PTPRN2: variants seen among roughly 807,000 people sequenced by gnomAD.
PTPRN2 encodes receptor-type tyrosine-protein phosphatase N2.
PTPRN2 carries 74 observed loss-of-function variants against 118.8 expected under a neutral mutation model. That is an observed-to-expected ratio of 0.62 (90% CI 0.52 to 0.76). The LOEUF (loss-of-function observed/expected upper bound fraction) is 0.76. Ranked by LOEUF, PTPRN2 falls within the 30% of genes least tolerant of loss-of-function variation. PTPRN2 has a pLI of 0.00. For missense variants in PTPRN2, 1,481 were observed against 1,394.4 expected, an observed-to-expected ratio of 1.06 and a Z score of -0.99; for synonymous variants, 641 against 608.0, an observed-to-expected ratio of 1.05 and a Z score of -0.80.
intron 11 of PTPRN2, among the ~76,000 whole-genome samples, chr7:157,940,653 C>G (rs915201387): frequency 7.2e-6 from 1 of 138,788 alleles, no homozygotes; most frequent in African/African-American, 2.8e-5. Context: ...CCCTCCCCAC[C>G]GTGACACTGC....
intron 12 of PTPRN2, among the ~76,000 whole-genome samples, chr7:157,765,421 C>T (rs1177403130): frequency 1.3e-5 from 2 of 151,520 alleles, no homozygotes; most frequent in Non-Finnish European, 2.9e-5. Flanking sequence ...ACCCATCCAT[C>T]ATCCATTCTT....
intron 2 of PTPRN2, among the ~76,000 whole-genome samples, chr7:158,393,631 G>A (rs539446621): frequency 6.6e-5 from 10 of 152,278 alleles, no homozygotes; most frequent in Non-Finnish European, 8.8e-5. Flanking sequence ...ATCTTTCAGC[G>A]TCATTTTCAT....
At chr7:158,151,421 C>T (rs373897294) in intron 6 of PTPRN2, among the ~76,000 whole-genome samples, 4 of 144,902 alleles carry the variant, frequency 2.8e-5, no homozygotes, top group South Asian at 4.4e-4. Flanking sequence ...CCTGCCCACA[C>T]CGCCCGCCTT....
chr7:158,357,505 C>T (rs1258548528), intron 2 of PTPRN2, among the ~76,000 whole-genome samples: 1 of 152,232 alleles, frequency 6.6e-6, no homozygotes, highest in Non-Finnish European at 1.5e-5. Context: ...CAGGGGCTGG[C>T]CCAACACTGG....
At chr7:158,457,491 G>A (rs955226694) in intron 2 of PTPRN2, among the ~76,000 whole-genome samples, 7 of 151,372 alleles carry the variant, frequency 4.6e-5, no homozygotes, top group African/African-American at 9.7e-5. Flanking sequence ...GGTGAGGGGC[G>A]TTACCACCAA....
rs559663910 is a variant in PTPRN2 at position 157,944,534 on chromosome 7, A to G, written c.1724-45797T>C. On this transcript the variant is annotated intron_variant, in intron 11 of 22. Transcript: ENST00000389418. This position sits in a 1 kb window ranked among gnomAD's most constrained non-coding sequence, Gnocchi z 4.3. ...GAAAAAGCTTCCTGCAAGCATCCGC[A>G]CTGCTGCAAATATAATAATTGTTTG... Among the ~76,000 whole-genome samples, 65 of 152,368 alleles carry G rather than the reference A, an allele frequency of 4.3e-4. No individual in the cohort carries two copies. The South Asian group carries it at 0.013, about 31-fold the overall frequency.
rs368583465 is a variant in PTPRN2, at chr7:158,083,270, T to C, written c.1644-1893A>G. 5.3e-4 allele frequency among the ~76,000 whole-genome samples: 81 copies of C among 152,298 alleles called. No homozygotes were observed. In the South Asian group the frequency reaches 0.017, roughly 32 times the overall value. ...ACGCAGGAGGTGATCAATTCATATT[T>C]GTGACCGGTTCAACATTTTGGTTGA... On this transcript the variant is annotated intron_variant, in intron 10 of 22. Transcript: ENST00000389418.
chr7:157,730,190 C>A (rs1799815017), intron 12 of PTPRN2, among the ~76,000 whole-genome samples: 2 of 151,954 alleles, frequency 1.3e-5, no homozygotes, highest in Admixed American at 1.3e-4. Flanking sequence ...CCACCCCTGC[C>A]CCCCCCCGGG....
chr7:158,208,785 C>T (rs1169065482), intron 3 of PTPRN2, among the ~76,000 whole-genome samples: 2 of 152,128 alleles, frequency 1.3e-5, no homozygotes, highest in African/African-American at 2.4e-5. Context: ...GGTGTGTAAA[C>T]TGCTCATATC....
chr7:158,414,106 C>T (rs1814432537), intron 2 of PTPRN2, among the ~76,000 whole-genome samples: 1 of 150,922 alleles, frequency 6.6e-6, no homozygotes, highest in Admixed American at 6.6e-5. Flanking sequence ...CAAGGGGATT[C>T]CTAGTGTTCC....
At chr7:158,584,885 G>T (rs1036932709) in intron 1 of PTPRN2, among the ~76,000 whole-genome samples, 5 of 152,164 alleles carry the variant, frequency 3.3e-5, no homozygotes, top group African/African-American at 9.7e-5. Context: ...TGGTCTTTAG[G>T]TCTTGTTAAC....
chr7:158,542,200 G>A (rs1050548517), intron 1 of PTPRN2, among the ~76,000 whole-genome samples: 1 of 152,224 alleles, frequency 6.6e-6, no homozygotes, highest in Non-Finnish European at 1.5e-5. Context: ...ACCCAGCCTG[G>A]AGTGCAGTGG....
intron 3 of PTPRN2, among the ~76,000 whole-genome samples, chr7:158,301,301 GCT>G (rs1332392028): frequency 1.3e-5 from 2 of 152,136 alleles, no homozygotes; most frequent in Admixed American, 6.5e-5. Context: ...CTGTCCCGAG[GCT>G]CTGTGTTAAC....
At chr7:158,175,464 GTCTC>G (rs1824107191) in intron 5 of PTPRN2, among the ~76,000 whole-genome samples, 1 of 152,136 alleles carries the variant, frequency 6.6e-6, no homozygotes, top group South Asian at 2.1e-4. Context: ...CTGTGTCTCT[GTCTC>G]TCTGTGTATC....
intron 14 of PTPRN2, among the ~76,000 whole-genome samples, chr7:157,642,657 C>T (rs1446899852): frequency 1.3e-5 from 2 of 152,090 alleles, no homozygotes; most frequent in South Asian, 2.1e-4. Context: ...AGTGTTTCCT[C>T]CCACAACCGT....
chr7:158,015,613 C>A lies in PTPRN2; in HGVS notation c.1723+65685G>T, dbSNP rs990112575. Among the ~76,000 whole-genome samples the A allele has an allele frequency of 6.6e-6, 1 of 152,108 alleles. No individual in the cohort carries two copies. The highest frequency in any genetic ancestry group is 2.4e-5 in the African/African-American group (1 of 41,410). On this transcript the variant is annotated intron_variant, in intron 11 of 22. Transcript: ENST00000389418. This position sits in a 1 kb window ranked among gnomAD's most constrained non-coding sequence, Gnocchi z 4.2. ...GAAAGCAGAGCCCTTTCTCTTTACTCACCAGCAGTTCATATTGTTAATTTT... is the reference window on the plus strand; with the variant it reads ...GAAAGCAGAGCCCTTTCTCTTTACTAACCAGCAGTTCATATTGTTAATTTT...
intron 2 of PTPRN2, among the ~76,000 whole-genome samples, chr7:158,334,529 C>A (rs1403274665): frequency 1.8e-5 from 2 of 113,482 alleles, no homozygotes; most frequent in African/African-American, 6.0e-5. Flanking sequence ...GTGACACCTG[C>A]AGACGTCACT....
At chr7:157,934,058 C>A (rs1183983321) in intron 11 of PTPRN2, among the ~76,000 whole-genome samples, 1 of 152,146 alleles carries the variant, frequency 6.6e-6, no homozygotes, top group Non-Finnish European at 1.5e-5. Flanking sequence ...CTGGGTTTTG[C>A]TCTTTGTCGA....
chr7:157,953,524 C>T lies in PTPRN2; in HGVS notation c.1724-54787G>A, dbSNP rs541459186. On this transcript the variant is annotated intron_variant, in intron 11 of 22. Transcript: ENST00000389418. This position sits in a 1 kb window ranked among gnomAD's most constrained non-coding sequence, Gnocchi z 4.6. ...GCTGCTGGCACGGGTGCCTTTGCTGCCGGCTGCTGTCTGTGCTGCCCTGCA... is the reference window on the plus strand; with the variant it reads ...GCTGCTGGCACGGGTGCCTTTGCTGTCGGCTGCTGTCTGTGCTGCCCTGCA... Among the ~76,000 whole-genome samples the T allele has an allele frequency of 3.2e-4, 49 of 152,274 alleles. No individual in the cohort carries two copies. In the Middle Eastern group the frequency reaches 0.017, roughly 53 times the overall value.
Sources: gnomAD v4.1 joint callset for allele counts (sites outside exome capture counted in the v4.1 genomes callset) on GRCh38, gnomAD v4.1.1 for gene constraint, Gnocchi (gnomAD v3.1) non-coding constraint, MANE v1.5 for transcripts, NCBI Gene and HGNC (gene_info 2026-07-23, HGNC 2026-07-21) for gene names.